Variants in SLC7A14 observed in about 807,000 individuals in gnomAD.
SLC7A14 encodes gamma-aminobutyric acid transporter SLC7A14.
A neutral mutation model predicts 60.2 loss-of-function variants in SLC7A14; 37 were observed. The ratio of observed to expected loss-of-function variants is 0.61; its 90% confidence interval spans 0.47 to 0.81. The LOEUF is 0.81. Among genes scored for constraint, SLC7A14 ranks in the 30% least tolerant of loss-of-function variants. SLC7A14 has a pLI of 0.00. For synonymous variants in SLC7A14, 399 were observed against 395.8 expected (o/e 1.01, Z -0.10); for missense variants, 886 against 982.7 (o/e 0.90, Z 1.32).
chr3:170,581,991 T>C lies in SLC7A14; in HGVS notation c.-153+3920A>G, dbSNP rs186751603. ...TAAACTTGGATTTTGAATTGGAACT[T>C]TCAGATTGTATCTAAGTCAAAATTC... On this transcript the variant is annotated intron_variant, in intron 1 of 7. Transcript: ENST00000231706. Among the ~76,000 whole-genome samples, 229 of 152,256 alleles carry C rather than the reference T, an allele frequency of 1.5e-3. 1 individual carries two copies. Among genetic ancestry groups the C allele is most frequent in the African/African-American group, 5.2e-3 (216 of 41,550 alleles).
At chr3:170,492,746 T>C (rs1481143605) in intron 4 of SLC7A14, among the ~76,000 whole-genome samples, 1 of 152,186 alleles carries the variant, frequency 6.6e-6, no homozygotes, top group Non-Finnish European at 1.5e-5. Context: ...CCCTGCGTCT[T>C]GCTGATATTT....
chr3:170,561,879 A>G (rs1714664237), intron 1 of SLC7A14, among the ~76,000 whole-genome samples: 1 of 152,148 alleles, frequency 6.6e-6, no homozygotes, highest in Non-Finnish European at 1.5e-5. Flanking sequence ...TGGCCAACAA[A>G]CGTATGAAAA....
At chr3:170,559,802 T>C (rs1478502883) in intron 1 of SLC7A14, among the ~76,000 whole-genome samples, 3 of 152,230 alleles carry the variant, frequency 2.0e-5, no homozygotes, top group African/African-American at 7.2e-5. Context: ...CTTCAGTAAG[T>C]GGGAACCCAG....
At chr3:170,481,763 G>A (rs1711832273) in intron 6 of SLC7A14, among the ~76,000 whole-genome samples, 1 of 152,130 alleles carries the variant, frequency 6.6e-6, no homozygotes, top group Non-Finnish European at 1.5e-5. Flanking sequence ...AATGGGAAGG[G>A]TTGATTGAAC....
chr3:170,536,695 G>C (rs1713852186), intron 1 of SLC7A14, among the ~76,000 whole-genome samples: 1 of 152,204 alleles, frequency 6.6e-6, no homozygotes, highest in Non-Finnish European at 1.5e-5. Context: ...GCCACAGCTT[G>C]CTAAGGTTTC....
chr3:170,543,336 A>ACGGT (rs1418492815), intron 1 of SLC7A14, among the ~76,000 whole-genome samples: 1 of 152,138 alleles, frequency 6.6e-6, no homozygotes, highest in East Asian at 1.9e-4. Context: ...CCATGAGGTC[A>ACGGT]CGGTCCCTCT....
chr3:170,578,753 G>T (rs1282598550), intron 1 of SLC7A14, among the ~76,000 whole-genome samples: 2 of 152,214 alleles, frequency 1.3e-5, no homozygotes, highest in Non-Finnish European at 1.5e-5. Context: ...CGGTCTTAAG[G>T]AGGCAAATAA....
At chr3:170,478,919 C>G (rs139961644) in intron 7 of SLC7A14, among the ~76,000 whole-genome samples, 1 of 151,864 alleles carries the variant, frequency 6.6e-6, no homozygotes, top group South Asian at 2.1e-4. Context: ...GTTGAGAGTT[C>G]GAGAACAGCC....
In SLC7A14 at chr3:170,496,338, A is replaced by G. The variant is rs1214107968; in HGVS notation, c.759+2329T>C. ...CAAGCACGGGGATGACCTGCGGTGT[A>G]CAAAGACTTAGATCTCCGAGATGAA... On this transcript the variant is annotated intron_variant, in intron 4 of 7. Coordinates refer to ENST00000231706, the MANE Select transcript of SLC7A14 (RefSeq NM_020949.3). 3.4e-6 allele frequency: 4 copies of G among 1,189,212 alleles called. No homozygotes were observed. In the African/African-American group the frequency reaches 6.0e-5, roughly 18 times the overall value. 73.7% of individuals were successfully genotyped at this position (1,189,212 alleles called of 1,614,324 possible).
chr3:170,494,125 C>T (rs1712309467), intron 4 of SLC7A14, among the ~76,000 whole-genome samples: 1 of 152,198 alleles, frequency 6.6e-6, no homozygotes, highest in Non-Finnish European at 1.5e-5. Context: ...TTTGGCCCAT[C>T]CAGGACTGGG....
chr3:170,581,235 G>A (rs1015844140), intron 1 of SLC7A14, among the ~76,000 whole-genome samples: 4 of 152,168 alleles, frequency 2.6e-5, no homozygotes, highest in African/African-American at 9.6e-5. Context: ...AGAATGGATA[G>A]AAGCTCATTT....
rs1201287888 is a variant in SLC7A14 at position 170,460,444 on chromosome 3, T to C, written c.*6611A>G. ...ATGCACCATCATAACATTAACAGCATCTTTGCTTTGGAAAGTGGGGGTTTA... is the reference window on the plus strand; with the variant it reads ...ATGCACCATCATAACATTAACAGCACCTTTGCTTTGGAAAGTGGGGGTTTA... On this transcript the variant is annotated 3_prime_UTR_variant, in exon 8 of 8. Coordinates refer to ENST00000231706, the MANE Select transcript of SLC7A14 (RefSeq NM_020949.3). The C allele has an allele frequency of 6.6e-6, 1 of 152,214 alleles. No homozygotes were observed. Among genetic ancestry groups the C allele is most frequent in the Non-Finnish European group, 1.5e-5 (1 of 68,046 alleles). 9.4% of individuals were successfully genotyped at this position (152,214 alleles called of 1,614,324 possible). A position where few individuals can be genotyped will look rare whatever the true frequency, so the allele number is the denominator to read the frequency against.
chr3:170,560,871 G>C (rs1054369662), intron 1 of SLC7A14, among the ~76,000 whole-genome samples: 1 of 152,128 alleles, frequency 6.6e-6, no homozygotes, highest in African/African-American at 2.4e-5. Context: ...CTTTAACCAC[G>C]TGTCTTATAG....
rs550936938 is a variant in SLC7A14 at position 170,480,578 on chromosome 3, G to A, written c.1704C>T (p.Cys568=). 5.1e-5 allele frequency: 82 copies of A among 1,614,230 alleles called. No individual in the cohort carries two copies. In the East Asian group the frequency reaches 1.1e-3, roughly 22 times the overall value. The stretch of plus-strand genomic sequence containing the variant: ...ACATGAGGATGAAGAGCAGGAGCAC[G>A]CAGATGGTCACCGTGTGCCCCGTCG... ...TAATGHTVTI[C]VLLLFILMFI... The change falls in exon 7 of 8, where the codon TGC becomes TGT. Residue 568 remains cysteine, a synonymous_variant. Coordinates refer to ENST00000231706, the MANE Select transcript of SLC7A14 (RefSeq NM_020949.3).
chr3:170,498,630 G>A, intron 4 of SLC7A14, 37 bp downstream of exon 4: 2 of 1,597,614 alleles, frequency 1.3e-6, no homozygotes, highest in African/African-American at 1.3e-5. Context: ...AAGGCAGAGT[G>A]TGTGACAGGC....
Position 170,501,171 on chromosome 3 carries a change from G to T in SLC7A14, c.479C>A (p.Ser160Ter). 1 of 1,614,222 alleles carries T rather than the reference G, an allele frequency of 6.2e-7. No homozygotes were observed. The highest frequency in any genetic ancestry group is 1.7e-5 in the Admixed American group (1 of 60,024). ...GCGGCTGATGGTGTGGTTGGCTAGT[G>T]AGTCAAACATGCTGCTCAGAGCACT... is the stretch of plus-strand genomic sequence containing the variant. ...GASALSSMFDSLANHTISRWM... is the reference protein window; with the variant it reads ...GASALSSMFD The change falls in exon 3 of 8, where the codon TCA becomes TAA. Residue 160 changes from serine (S) to a stop codon, truncating the protein, a stop_gained. Coordinates refer to ENST00000231706, the MANE Select transcript of SLC7A14 (RefSeq NM_020949.3). LOFTEE classifies it high-confidence loss of function.
At position 170,585,979 on chromosome 3, in the gene SLC7A14, G is replaced by A. The variant is rs563265718; in HGVS notation, c.-221C>T. ...GGCTGGCAGTCCGCACTTACTGCGC[G>A]GAGCTGTCTCTCTAGCTGGGATGGG... On this transcript the variant is annotated 5_prime_UTR_variant, in exon 1 of 8. Coordinates refer to ENST00000231706, the MANE Select transcript of SLC7A14 (RefSeq NM_020949.3). This position sits in a 1 kb window ranked among gnomAD's most constrained non-coding sequence, Gnocchi z 5.1. 9.0e-4 allele frequency: 138 copies of A among 153,398 alleles called. No homozygotes were observed. The highest frequency in any genetic ancestry group is 1.8e-3 in the Non-Finnish European group (121 of 68,942). 9.5% of individuals were successfully genotyped at this position (153,398 alleles called of 1,614,324 possible).
At chr3:170,537,534 G>A (rs918292906) in intron 1 of SLC7A14, among the ~76,000 whole-genome samples, 6 of 152,064 alleles carry the variant, frequency 3.9e-5, no homozygotes, top group African/African-American at 1.4e-4. Context: ...GTCTCTCTTC[G>A]TATTTCTGTA....
chr3:170,550,681 C>G (rs1714323297), intron 1 of SLC7A14, among the ~76,000 whole-genome samples: 1 of 151,546 alleles, frequency 6.6e-6, no homozygotes, highest in Non-Finnish European at 1.5e-5. Context: ...GCCACCATGC[C>G]TGAATAATTT....
Sources: gnomAD v4.1 joint callset for allele counts (sites outside exome capture counted in the v4.1 genomes callset) on GRCh38, gnomAD v4.1.1 for gene constraint, Gnocchi (gnomAD v3.1) non-coding constraint, MANE v1.5 for transcripts, NCBI Gene and HGNC (gene_info 2026-07-23, HGNC 2026-07-21) for gene names.